SLC13A1: variants seen among roughly 807,000 people sequenced by gnomAD.
SLC13A1 encodes Na(+)/sulfate cotransporter.
A neutral mutation model predicts 70.0 loss-of-function variants in SLC13A1; 65 were observed. The observed-to-expected ratio is 0.93, with a 90% CI of 0.76 to 1.14. The LOEUF (loss-of-function observed/expected upper bound fraction) is 1.14, where lower values mean the gene tolerates loss of function less well. SLC13A1 is among the 50% of genes most tolerant of loss of function. The pLI, the probability that SLC13A1 is intolerant of heterozygous loss-of-function variation, is 0.00. For synonymous variants in SLC13A1, 275 were observed against 250.5 expected (o/e 1.10, Z -0.92); for missense variants, 726 against 717.8 (o/e 1.01, Z -0.13).
chr7:123,169,056 A>G, intron 4 of SLC13A1, 92 bp downstream of exon 4: 22 of 1,158,786 alleles, frequency 1.9e-5, no homozygotes, highest in Non-Finnish European at 2.8e-5. Flanking sequence ...GCATGTATAG[A>G]TGGTTAATTC....
At chr7:123,133,752 G>A (rs1328080925) in intron 8 of SLC13A1, among the ~76,000 whole-genome samples, 2 of 151,914 alleles carry the variant, frequency 1.3e-5, no homozygotes, top group Non-Finnish European at 2.9e-5. Flanking sequence ...GGATTGTGTC[G>A]ATATCCTGAC....
intron 12 of SLC13A1, 127 bp downstream of exon 12, chr7:123,122,999 T>C: frequency 1.4e-6 from 1 of 705,106 alleles, no homozygotes; most frequent in Non-Finnish European, 2.6e-6. Flanking sequence ...ATTCACTGCA[T>C]AGCTAGCAAA....
chr7:123,143,369 A>T (rs1336162472), intron 7 of SLC13A1, among the ~76,000 whole-genome samples: 1 of 152,132 alleles, frequency 6.6e-6, no homozygotes, highest in African/African-American at 2.4e-5. Context: ...AGAACACTTT[A>T]GCCCGCAGTG....
intron 8 of SLC13A1, 115 bp downstream of exon 8, chr7:123,134,295 C>A: frequency 2.1e-6 from 2 of 943,546 alleles, no homozygotes; most frequent in Non-Finnish European, 3.1e-6. Context: ...TTGTGAGCAA[C>A]AAAAATGCAG....
At chr7:123,192,821 A>G (rs1489472797) in intron 1 of SLC13A1, among the ~76,000 whole-genome samples, 1 of 152,192 alleles carries the variant, frequency 6.6e-6, no homozygotes, top group East Asian at 1.9e-4. Flanking sequence ...CAAAGTTTAA[A>G]GTGCTTTAAA....
chr7:123,129,008 CCTT>C, intron 9 of SLC13A1, 62 bp from the exon 10 acceptor site: 1 of 1,087,396 alleles, frequency 9.2e-7, no homozygotes, highest in Non-Finnish European at 1.4e-6. Context: ...TGTAGAAACT[CCTT>C]GAGCTATTGT....
chr7:123,115,642 A>T lies in SLC13A1; in HGVS notation c.1664T>A (p.Leu555His). 1 of 1,613,836 alleles carries T rather than the reference A, an allele frequency of 6.2e-7. No individual in the cohort carries two copies. ...LKVIDMVKAG[L>H]GVNIVGVAVV... is the part of the protein sequence containing the mutation. ...AGCAACACCAACAATGTTGACACCAAGTCCAGCTTTAACCTTGAACAGGAA... is the reference window on the plus strand; with the variant it reads ...AGCAACACCAACAATGTTGACACCATGTCCAGCTTTAACCTTGAACAGGAA... The change falls in exon 15 of 15, where the codon CTT (leucine) becomes CAT (histidine). Residue 555 changes from leucine (L) to histidine (H), a missense_variant. Leu to His is a moderately conservative substitution (Grantham distance 99). Coordinates refer to ENST00000194130, the MANE Select transcript of SLC13A1 (RefSeq NM_022444.4).
chr7:123,120,950 G>T (rs913762295), intron 12 of SLC13A1, among the ~76,000 whole-genome samples: 1 of 151,916 alleles, frequency 6.6e-6, no homozygotes, highest in African/African-American at 2.4e-5. Flanking sequence ...TTTGGTATTG[G>T]GTACTCAGTA....
At chr7:123,181,143 C>A in intron 1 of SLC13A1, 42 bp from the exon 2 acceptor site, 1 of 1,588,926 alleles carries the variant, frequency 6.3e-7, no homozygotes, top group Non-Finnish European at 8.6e-7. Context: ...TATTATGAGG[C>A]TGGAGAAGTC....
At position 123,169,344 on chromosome 7, in the gene SLC13A1, A is replaced by C; in HGVS notation, c.366-9T>G. On this transcript the variant is annotated splice_polypyrimidine_tract_variant and intron_variant, in intron 3 of 14. Transcript: ENST00000194130. Reference sequence around the variant, plus strand: ...TGAACCCCAGCGTCAGCCTGAAACCAGAGAGCCATTATTGTGGAGCTGTGC... The same window carrying C: ...TGAACCCCAGCGTCAGCCTGAAACCCGAGAGCCATTATTGTGGAGCTGTGC... 1 of 1,610,104 alleles carries C rather than the reference A, an allele frequency of 6.2e-7. No individual in the cohort carries two copies. The highest frequency in any genetic ancestry group is 8.5e-7 in the Non-Finnish European group (1 of 1,179,652).
Position 123,192,913 on chromosome 7 carries a change from C to CT in SLC13A1, c.99+6934dup, listed in dbSNP as rs200019866. Among the ~76,000 whole-genome samples, 343 of 151,032 alleles carry CT rather than the reference C, an allele frequency of 2.3e-3. 3 individuals carry two copies. The highest frequency in any genetic ancestry group is 7.5e-3 in the African/African-American group (309 of 41,182). On this transcript the variant is annotated intron_variant, in intron 1 of 14. Transcript: ENST00000194130. ...GAAATAACTAGATGTTTTTTCTTTT[C>CT]TTTTTTTTTAAGTTTTTAGCCAAAA...
chr7:123,151,468 CT>C (rs1794553464), intron 6 of SLC13A1, among the ~76,000 whole-genome samples: 1 of 151,544 alleles, frequency 6.6e-6, no homozygotes, highest in Non-Finnish European at 1.5e-5. Flanking sequence ...GCTATTACTT[CT>C]TTTGTCAAAC....
intron 8 of SLC13A1, among the ~76,000 whole-genome samples, chr7:123,134,147 C>A (rs554297953): frequency 6.6e-6 from 1 of 152,120 alleles, no homozygotes; most frequent in East Asian, 1.9e-4. Context: ...CCCACCTTGG[C>A]CTTTCAAAGT....
intron 7 of SLC13A1, among the ~76,000 whole-genome samples, chr7:123,139,026 C>A (rs1391122539): frequency 6.6e-6 from 1 of 151,962 alleles, no homozygotes; most frequent in African/African-American, 2.4e-5. Context: ...CCGATGTTTT[C>A]TTGTAGTAGT....
rs181227474 is a variant in SLC13A1, at chr7:123,155,811, G to T, written c.661-8501C>A. 2.4e-4 allele frequency among the ~76,000 whole-genome samples: 37 copies of T among 152,138 alleles called. No individual in the cohort carries two copies. In the East Asian group the frequency reaches 6.0e-3, roughly 25 times the overall value. ...CCTTCTGCCTGCTGACACCCGAAAGGCATAGACTTGGCTCCTGGACCAGTG... is the reference window on the plus strand; with the variant it reads ...CCTTCTGCCTGCTGACACCCGAAAGTCATAGACTTGGCTCCTGGACCAGTG... On this transcript the variant is annotated intron_variant, in intron 6 of 14. Coordinates refer to ENST00000194130, the MANE Select transcript of SLC13A1 (RefSeq NM_022444.4).
At chr7:123,116,512 A>G (rs1214428958) in intron 14 of SLC13A1, among the ~76,000 whole-genome samples, 4 of 152,198 alleles carry the variant, frequency 2.6e-5, no homozygotes, top group Admixed American at 1.3e-4. Flanking sequence ...GCCCTGAAGC[A>G]AAAGAGGAAT....
At chr7:123,128,108 A>G (rs1041666447) in intron 10 of SLC13A1, among the ~76,000 whole-genome samples, 1 of 151,998 alleles carries the variant, frequency 6.6e-6, no homozygotes, top group Non-Finnish European at 1.5e-5. Flanking sequence ...CCTAGCTTCT[A>G]GCACCAGCTT....
intron 7 of SLC13A1, among the ~76,000 whole-genome samples, chr7:123,139,896 C>G (rs189624418): frequency 2.0e-5 from 3 of 152,106 alleles, no homozygotes; most frequent in South Asian, 4.2e-4. Flanking sequence ...AATTTGGGTG[C>G]CTTTTTAACT....
chr7:123,170,195 C>G (rs1795222763), intron 3 of SLC13A1, among the ~76,000 whole-genome samples: 1 of 152,104 alleles, frequency 6.6e-6, no homozygotes, highest in African/African-American at 2.4e-5. Context: ...AATAATCTGA[C>G]ACCCTTTTAA....
Sources: allele counts gnomAD v4.1 joint callset (sites outside exome capture counted in the v4.1 genomes callset), GRCh38; gene constraint gnomAD v4.1.1; transcripts MANE v1.5; gene names NCBI Gene and HGNC (gene_info 2026-07-23, HGNC 2026-07-21).